Variants in SCAPER observed in about 807,000 individuals in gnomAD.
SCAPER encodes the protein S-phase cyclin A associated protein in the ER.
Under a neutral mutation model 182.2 loss-of-function variants are expected in SCAPER, and 98 were observed. The observed-to-expected ratio is 0.54, with a 90% CI of 0.46 to 0.64. The LOEUF (loss-of-function observed/expected upper bound fraction) is 0.64, where lower values mean the gene tolerates loss of function less well. SCAPER is among the 30% of genes least tolerant of loss of function. The pLI is 0.00. For synonymous variants in SCAPER, 605 were observed against 564.6 expected (o/e 1.07, Z -1.01); for missense variants, 1,432 against 1,690.0 (o/e 0.85, Z 2.68).
intron 7 of SCAPER, among the ~76,000 whole-genome samples, chr15:76,798,042 A>G (rs2065459939): frequency 6.6e-6 from 1 of 152,170 alleles, no homozygotes; most frequent in South Asian, 2.1e-4. Flanking sequence ...AAAGACTTTA[A>G]ATCAGCTATT....
intron 22 of SCAPER, among the ~76,000 whole-genome samples, chr15:76,606,837 A>AC (rs1418222805): frequency 2.0e-5 from 3 of 151,428 alleles, no homozygotes; most frequent in African/African-American, 7.3e-5. Context: ...TAGGATTGCA[A>AC]CTCCTGCCTT....
Position 76,348,488 on chromosome 15 carries a change from T to C in SCAPER, c.*145A>G. The C allele has an allele frequency of 1.9e-6, 1 of 513,090 alleles. No individual in the cohort carries two copies. Among genetic ancestry groups the C allele is most frequent in the Non-Finnish European group, 3.4e-6 (1 of 289,880 alleles). 31.8% of individuals were successfully genotyped at this position (513,090 alleles called of 1,614,324 possible). On this transcript the variant is annotated 3_prime_UTR_variant, in exon 32 of 32. Transcript: ENST00000563290. ...AACATTCAAGTATCTACAGTCATTA[T>C]AAATAGTGTAAAGTACATGCCATAT...
At chr15:76,549,888 C>T (rs1233915975) in intron 23 of SCAPER, among the ~76,000 whole-genome samples, 1 of 152,070 alleles carries the variant, frequency 6.6e-6, no homozygotes, top group African/African-American at 2.4e-5. Context: ...TGCTTCATGA[C>T]ATTAATGTAA....
Position 76,354,195 on chromosome 15 carries a change from A to C in SCAPER, c.3856-55T>G. 1 of 1,520,542 alleles carries C rather than the reference A, an allele frequency of 6.6e-7. No homozygotes were observed. Among genetic ancestry groups the C allele is most frequent in the East Asian group, 2.4e-5 (1 of 41,110 alleles). The allele number at this position is 1,520,542 out of a possible 1,614,324, so 94.2% of individuals were successfully genotyped here. ...GCCGAAACGCCCCAGCCTGTCCCTCACCCACCTGCACAGTGTCGGCTAGTA... is the reference window on the plus strand; with the variant it reads ...GCCGAAACGCCCCAGCCTGTCCCTCCCCCACCTGCACAGTGTCGGCTAGTA... On this transcript the variant is annotated intron_variant, in intron 29 of 31. Transcript: ENST00000563290. This position sits in a 1 kb window ranked among gnomAD's most constrained non-coding sequence, Gnocchi z 4.4.
chr15:76,667,526 T>C (rs1266574887), intron 20 of SCAPER, among the ~76,000 whole-genome samples: 1 of 149,022 alleles, frequency 6.7e-6, no homozygotes, highest in Non-Finnish European at 1.5e-5. Flanking sequence ...TGCATAAAAA[T>C]GTCTCCTCGA....
intron 26 of SCAPER, among the ~76,000 whole-genome samples, chr15:76,420,235 C>CTT (rs71143323): frequency 0.027 from 3,168 of 116,878 alleles, 89 homozygotes; most frequent in African/African-American, 0.049. Context: ...ATGTTTTTTC[C>CTT]TTTTTTTTTT....
rs113930134 is a variant in SCAPER, at chr15:76,396,616, G to A, written c.3467+7908C>T. On this transcript the variant is annotated intron_variant, in intron 27 of 31. Transcript: ENST00000563290. ...GATTACTTTTTTTGATTTCAAGATTGTTTGTTGTTGGCATATAGAAATGCT... is the reference window on the plus strand; with the variant it reads ...GATTACTTTTTTTGATTTCAAGATTATTTGTTGTTGGCATATAGAAATGCT... Among the ~76,000 whole-genome samples the A allele has an allele frequency of 2.3e-3, 353 of 152,166 alleles. 4 individuals are homozygous for A. The highest frequency in any genetic ancestry group is 7.8e-3 in the African/African-American group (325 of 41,524).
chr15:76,576,891 T>G (rs1025845678), intron 22 of SCAPER: 17 of 152,022 alleles, frequency 1.1e-4, no homozygotes, highest in African/African-American at 4.1e-4. Flanking sequence ...ATCCTAGCAC[T>G]CGGAACCTGA....
intron 23 of SCAPER, among the ~76,000 whole-genome samples, chr15:76,549,862 G>C (rs771124229): frequency 1.3e-5 from 2 of 152,038 alleles, no homozygotes; most frequent in Non-Finnish European, 2.9e-5. Context: ...AAAACTACTA[G>C]AAAACATAGG....
intron 26 of SCAPER, among the ~76,000 whole-genome samples, chr15:76,415,115 T>C (rs1206065746): frequency 1.3e-5 from 2 of 152,138 alleles, no homozygotes; most frequent in Non-Finnish European, 2.9e-5. Flanking sequence ...GCTATCAGAC[T>C]GACAAAAACA....
At chr15:76,677,377 ACTGT>A (rs1243581473) in intron 20 of SCAPER, among the ~76,000 whole-genome samples, 3 of 151,954 alleles carry the variant, frequency 2.0e-5, no homozygotes, top group Non-Finnish European at 4.4e-5. Flanking sequence ...GGAGCACTAA[ACTGT>A]GAGTCAAGAG....
intron 23 of SCAPER, among the ~76,000 whole-genome samples, chr15:76,554,145 C>A (rs2045999830): frequency 6.6e-6 from 1 of 152,210 alleles, no homozygotes; most frequent in African/African-American, 2.4e-5. Flanking sequence ...CCAAACTGAT[C>A]TGATAGAGCT....
chr15:76,800,953 A>G (rs1440099586), intron 6 of SCAPER, among the ~76,000 whole-genome samples: 1 of 152,242 alleles, frequency 6.6e-6, no homozygotes, highest in East Asian at 1.9e-4. Flanking sequence ...TACAGGATGC[A>G]TAACATGCCC....
At chr15:76,703,130 G>T in intron 18 of SCAPER, 128 bp from the exon 19 acceptor site, 1 of 992,192 alleles carries the variant, frequency 1.0e-6, no homozygotes, top group Non-Finnish European at 1.4e-6. Flanking sequence ...CTTACACACT[G>T]AAGACAAAGC....
At position 76,753,832 on chromosome 15, in the gene SCAPER, T is replaced by C; in HGVS notation, c.1842A>G (p.Lys614=). The C allele has an allele frequency of 6.2e-7, 1 of 1,612,886 alleles. No individual in the cohort carries two copies. Among genetic ancestry groups the C allele is most frequent in the Non-Finnish European group, 8.5e-7 (1 of 1,179,174 alleles). The change falls in exon 15 of 32, where the codon AAA becomes AAG. Residue 614 remains lysine (K), a synonymous_variant. Coordinates refer to ENST00000563290, the MANE Select transcript of SCAPER (RefSeq NM_020843.4). ...KREVQLQAIV[K]KAQEEEAKVN... ...CCTTAGCTTCTTCTTCTTGTGCTTT[T>C]TTCACAATTGCTTGTAACTGCACTT...
chr15:76,550,641 G>A (rs111799832), intron 23 of SCAPER, among the ~76,000 whole-genome samples: 3,541 of 152,218 alleles, frequency 0.023, 65 homozygotes, highest in Non-Finnish European at 0.032. Flanking sequence ...TGCAAATAAT[G>A]CTGCAATAAA....
At chr15:76,687,311 T>C (rs964111048) in intron 20 of SCAPER, among the ~76,000 whole-genome samples, 9 of 152,120 alleles carry the variant, frequency 5.9e-5, no homozygotes, top group Non-Finnish European at 8.8e-5. Context: ...AATGTTACAA[T>C]ATATTAAACT....
At chr15:76,701,677 C>A in intron 20 of SCAPER, 81 bp downstream of exon 20, 1 of 1,072,072 alleles carries the variant, frequency 9.3e-7, no homozygotes, top group Non-Finnish European at 1.4e-6. Flanking sequence ...GAAATAAATA[C>A]AAACACGGAA....
chr15:76,869,466 T>C (rs1029988943), intron 2 of SCAPER, among the ~76,000 whole-genome samples: 1 of 151,974 alleles, frequency 6.6e-6, no homozygotes, highest in African/African-American at 2.4e-5. Flanking sequence ...TAAATAGACA[T>C]TTCTCAAAAG....
Sources: allele counts gnomAD v4.1 joint callset (sites outside exome capture counted in the v4.1 genomes callset), GRCh38; gene constraint gnomAD v4.1.1; non-coding constraint Gnocchi (gnomAD v3.1); transcripts MANE v1.5; gene names NCBI Gene and HGNC (gene_info 2026-07-23, HGNC 2026-07-21).